ASIC5: variants seen among roughly 807,000 people sequenced by gnomAD.
ASIC5 encodes acid sensing ion channel subunit family member 5.
A neutral mutation model predicts 51.2 loss-of-function variants in ASIC5; 52 were observed. The observed-to-expected ratio is 1.02, with a 90% CI of 0.81 to 1.28. The LOEUF is 1.28. ASIC5 is among the 50% of genes most tolerant of loss of function. The pLI is 0.00. For missense variants in ASIC5, 635 were observed against 595.0 expected (o/e 1.07, Z -0.70); for synonymous variants, 231 against 200.7 (o/e 1.15, Z -1.28).
At chr4:155,859,564 G>A (rs1047811963) in intron 2 of ASIC5, among the ~76,000 whole-genome samples, 4 of 151,950 alleles carry the variant, frequency 2.6e-5, no homozygotes, top group African/African-American at 7.2e-5. Context: ...TATAGAAATT[G>A]GGATCTATCA....
chr4:155,851,316 C>G (rs1563804), intron 4 of ASIC5, among the ~76,000 whole-genome samples: 2 of 151,768 alleles, frequency 1.3e-5, no homozygotes, highest in African/African-American at 4.8e-5. Flanking sequence ...AGAAAAATAT[C>G]TTGAATGGGA....
intron 4 of ASIC5, among the ~76,000 whole-genome samples, chr4:155,850,891 T>C (rs930252419): frequency 6.6e-6 from 1 of 152,050 alleles, no homozygotes; most frequent in African/African-American, 2.4e-5. Flanking sequence ...CTGTCATTAG[T>C]TGTAATTTTA....
At chr4:155,857,714 T>C (rs758526529) in intron 2 of ASIC5, among the ~76,000 whole-genome samples, 1 of 152,132 alleles carries the variant, frequency 6.6e-6, no homozygotes, top group Non-Finnish European at 1.5e-5. Context: ...CAGGCCTTAT[T>C]TGAGTCCTGC....
At chr4:155,846,193 A>G (rs1741238309) in intron 4 of ASIC5, among the ~76,000 whole-genome samples, 1 of 152,128 alleles carries the variant, frequency 6.6e-6, no homozygotes, top group African/African-American at 2.4e-5. Context: ...TAAAATTACT[A>G]GTAAAGTAAT....
intron 8 of ASIC5, among the ~76,000 whole-genome samples, chr4:155,833,291 G>C (rs753364841): frequency 1.6e-4 from 25 of 152,086 alleles, no homozygotes; most frequent in African/African-American, 5.8e-4. Context: ...ATTTTAAAAT[G>C]GCAATAATAA....
intron 4 of ASIC5, among the ~76,000 whole-genome samples, chr4:155,849,801 C>A (rs895960789): frequency 6.6e-6 from 1 of 152,020 alleles, no homozygotes; most frequent in Non-Finnish European, 1.5e-5. Context: ...AGCCAGTCAA[C>A]TTAAACTTTA....
At chr4:155,853,267 C>A (rs1241968058) in intron 3 of ASIC5, among the ~76,000 whole-genome samples, 24 of 151,930 alleles carry the variant, frequency 1.6e-4, no homozygotes, top group Admixed American at 1.4e-3. Context: ...AAATGTCTCT[C>A]AGGCATTTTT....
intron 1 of ASIC5, among the ~76,000 whole-genome samples, chr4:155,865,626 A>G (rs915761807): frequency 3.3e-5 from 5 of 152,132 alleles, no homozygotes; most frequent in South Asian, 2.1e-4. Context: ...CTAATCCTTG[A>G]CAATTGGTTT....
intron 6 of ASIC5, among the ~76,000 whole-genome samples, chr4:155,840,121 G>A (rs1741083496): frequency 6.6e-6 from 1 of 152,236 alleles, no homozygotes; most frequent in East Asian, 1.9e-4. Context: ...GTTTTATATA[G>A]CACCTTGCCT....
At position 155,842,282 on chromosome 4, in the gene ASIC5, T is replaced by A. The variant is rs201768091; in HGVS notation, c.934A>T (p.Thr312Ser). ...TTGCATTCCTTCAAGCAACCAGAAG[T>A]GCTGTAGCTGCTAAAATTCTGCAGC... ...IKLQNFSSYS[T>S]SGCLKECKAQ... Residue 312 changes from threonine to serine, a missense_variant, in exon 6 of 10, where the codon ACT becomes TCT. Physicochemically the swap from Thr to Ser is moderately conservative, Grantham distance 58. Coordinates refer to ENST00000537611, the MANE Select transcript of ASIC5 (RefSeq NM_017419.3). 73 of 1,613,570 alleles carry A rather than the reference T, an allele frequency of 4.5e-5. No individual in the cohort carries two copies. Among genetic ancestry groups the A allele is most frequent in the Admixed American group, 3.7e-4 (22 of 59,944 alleles).
At chr4:155,838,758 T>C in intron 7 of ASIC5, 55 bp downstream of exon 7, 1 of 1,076,902 alleles carries the variant, frequency 9.3e-7, no homozygotes, top group Non-Finnish European at 1.4e-6. Flanking sequence ...TGTCTTATAT[T>C]ACTTTGAGCA....
chr4:155,851,215 A>G (rs942699544), intron 4 of ASIC5, among the ~76,000 whole-genome samples: 1 of 152,080 alleles, frequency 6.6e-6, no homozygotes, highest in Admixed American at 6.6e-5. Context: ...CATAGGGCTA[A>G]TATTTGAATG....
chr4:155,832,008 A>G (rs928259875), intron 8 of ASIC5, 93 bp from the exon 9 acceptor site: 6 of 633,590 alleles, frequency 9.5e-6, no homozygotes, highest in African/African-American at 7.6e-5. Flanking sequence ...TTTGTTTTAT[A>G]TGCTATTTAA....
Position 155,852,326 on chromosome 4 carries a change from G to A in ASIC5, c.586-10C>T, listed in dbSNP as rs201366092. On this transcript the variant is annotated splice_polypyrimidine_tract_variant and intron_variant, in intron 3 of 9. Transcript: ENST00000537611. ...AGACATGTGCAAAATCCTCCAATAT[G>A]TAAATGAACCAAAAAAAACCATCAA... 65 of 1,570,614 alleles carry A rather than the reference G, an allele frequency of 4.1e-5. No homozygotes were observed. The highest frequency in any genetic ancestry group is 5.3e-5 in the Non-Finnish European group (62 of 1,166,572).
Position 155,831,841 on chromosome 4 carries a change from C to T in ASIC5, c.1310G>A (p.Ser437Asn). 6.2e-7 allele frequency: 1 copy of T among 1,602,448 alleles called. No individual in the cohort carries two copies. Among genetic ancestry groups the T allele is most frequent in the Non-Finnish European group, 8.5e-7 (1 of 1,170,138 alleles). Reference protein sequence around the residue: ...YKITQQQKAVSVSELLADLGG... With the variant: ...YKITQQQKAVNVSELLADLGG... ...ACACTTACCAAGTAACTCAGACACA[C>T]TCACCGCCTTTTGCTGCTGGGTTAT... Residue 437 changes from serine (S) to asparagine (N), a missense_variant, in exon 9 of 10, where the codon AGT becomes AAT. Transcript: ENST00000537611.
chr4:155,831,372 A>T (rs1454760099), intron 9 of ASIC5, among the ~76,000 whole-genome samples: 2 of 152,208 alleles, frequency 1.3e-5, no homozygotes, highest in African/African-American at 4.8e-5. Context: ...GAAATATGTC[A>T]GATTTAAATA....
Position 155,863,582 on chromosome 4 carries a change from G to A in ASIC5, c.213C>T (p.Gly71=), listed in dbSNP as rs765479853. The change falls in exon 2 of 10, where the codon GGC becomes GGT. Residue 71 remains glycine (G), a synonymous_variant. Transcript: ENST00000537611. The part of the protein sequence containing the change: ...RRVLWLVVVL[G]SVSLVTWQIY... ...TCTGCCATGTCACAAGTGAGACTGAGCCCAGAACCACCACCAACCAGAGCA... is the reference window on the plus strand; with the variant it reads ...TCTGCCATGTCACAAGTGAGACTGAACCCAGAACCACCACCAACCAGAGCA... 4 of 1,613,540 alleles carry A rather than the reference G, an allele frequency of 2.5e-6. No individual in the cohort carries two copies. The African/African-American group carries it at 4.0e-5, about 16-fold the overall frequency.
At chr4:155,854,526 A>G (rs1741477724) in intron 2 of ASIC5, among the ~76,000 whole-genome samples, 1 of 152,070 alleles carries the variant, frequency 6.6e-6, no homozygotes, top group Non-Finnish European at 1.5e-5. Context: ...TTTACCTAGA[A>G]TATTCCCCAG....
chr4:155,839,090 TA>T (rs553113921), intron 6 of ASIC5, among the ~76,000 whole-genome samples: 153 of 152,290 alleles, frequency 1.0e-3, no homozygotes, highest in Non-Finnish European at 2.0e-3. Flanking sequence ...TTTCTTTCCA[TA>T]CCTCTTTCCA....
Sources: gnomAD v4.1 joint callset for allele counts (sites outside exome capture counted in the v4.1 genomes callset) on GRCh38, gnomAD v4.1.1 for gene constraint, MANE v1.5 for transcripts, NCBI Gene and HGNC (gene_info 2026-07-23, HGNC 2026-07-21) for gene names.